The following AK5 variants were observed in gnomAD, a reference collection of about 807,000 sequenced individuals.
AK5 encodes the protein adenylate kinase isoenzyme 5.
Under a neutral mutation model 69.5 loss-of-function variants are expected in AK5, and 27 were observed. The observed-to-expected ratio is 0.39, with a 90% CI of 0.29 to 0.54. The LOEUF (loss-of-function observed/expected upper bound fraction) is 0.54. Among genes scored for constraint, AK5 ranks in the 20% least tolerant of loss-of-function variants. The pLI is 0.71. For synonymous variants in AK5, 260 were observed against 244.4 expected (o/e 1.06, Z -0.60); for missense variants, 531 against 700.4 (o/e 0.76, Z 2.73).
At chr1:77,328,983 A>G (rs1660950862) in intron 5 of AK5, among the ~76,000 whole-genome samples, 1 of 152,164 alleles carries the variant, frequency 6.6e-6, no homozygotes, top group Non-Finnish European at 1.5e-5. Flanking sequence ...AACACAAGAC[A>G]GCAAAGGGGG....
intron 6 of AK5, among the ~76,000 whole-genome samples, chr1:77,385,186 G>A (rs547320323): frequency 2.0e-5 from 3 of 152,234 alleles, no homozygotes; most frequent in African/African-American, 7.2e-5. Context: ...TGGAGACAGA[G>A]TCTCGCTCTG....
chr1:77,488,526 C>T (rs1655744781), intron 10 of AK5, among the ~76,000 whole-genome samples: 1 of 152,098 alleles, frequency 6.6e-6, no homozygotes, highest in Non-Finnish European at 1.5e-5. Flanking sequence ...TCTAGAGGGA[C>T]AGAACTAATA....
At chr1:77,505,302 A>G (rs750949594) in intron 10 of AK5, among the ~76,000 whole-genome samples, 4 of 152,244 alleles carry the variant, frequency 2.6e-5, no homozygotes, top group Non-Finnish European at 5.9e-5. Flanking sequence ...TTGGAACAGT[A>G]AGATACTTAT....
At chr1:77,494,026 A>C (rs145872598) in intron 10 of AK5, among the ~76,000 whole-genome samples, 240 of 152,358 alleles carry the variant, frequency 1.6e-3, no homozygotes, top group African/African-American at 5.5e-3. Context: ...TCAAAAAGAC[A>C]TAAAACAGTC....
chr1:77,558,477 TG>T (rs10700476), intron 13 of AK5, 124 bp from the exon 14 acceptor site: 20 of 515,524 alleles, frequency 3.9e-5, no homozygotes, highest in Admixed American at 1.8e-4. Context: ...CTCTGTGTTT[TG>T]GGGGGGGTCT....
intron 12 of AK5, among the ~76,000 whole-genome samples, chr1:77,525,773 G>A (rs1016753098): frequency 6.6e-6 from 1 of 152,142 alleles, no homozygotes; most frequent in African/African-American, 2.4e-5. Flanking sequence ...ATATGTGAGA[G>A]TTTATTTTTG....
intron 10 of AK5, among the ~76,000 whole-genome samples, chr1:77,498,948 AT>A (rs1656528652): frequency 1.3e-5 from 2 of 152,242 alleles, no homozygotes; most frequent in Non-Finnish European, 2.9e-5. Flanking sequence ...GCTGAGATCA[AT>A]CAGTTGAAAT....
rs892849544 is a variant in AK5, at chr1:77,318,558, A to G, written c.699+20611A>G. Among the ~76,000 whole-genome samples the G allele has an allele frequency of 3.9e-5, 6 of 152,274 alleles. No homozygotes were observed. The East Asian group carries it at 5.8e-4, about 15-fold the overall frequency. On this transcript the variant is annotated intron_variant, in intron 5 of 13. Transcript: ENST00000354567. ...GGAATTTCAAGTAAGATGTGTTCCC[A>G]GTATTAATGTCATTAGGTGCATGAG...
intron 8 of AK5, among the ~76,000 whole-genome samples, chr1:77,465,313 T>C (rs993894149): frequency 2.6e-5 from 4 of 152,136 alleles, no homozygotes; most frequent in South Asian, 4.1e-4. Flanking sequence ...CTGTAATTCA[T>C]TGAAGGCAAT....
chr1:77,553,362 G>A (rs1289656130), intron 13 of AK5, among the ~76,000 whole-genome samples: 1 of 152,140 alleles, frequency 6.6e-6, no homozygotes, highest in African/African-American at 2.4e-5. Context: ...GACAAGAACG[G>A]GCCCTAGAAC....
chr1:77,287,909 C>G (rs1464931927), intron 2 of AK5, among the ~76,000 whole-genome samples: 1 of 152,152 alleles, frequency 6.6e-6, no homozygotes, highest in East Asian at 1.9e-4. Flanking sequence ...GCGCATACTC[C>G]TAAGTTAGGT....
At chr1:77,368,263 T>TTATATATATA (rs1218910012) in intron 6 of AK5, among the ~76,000 whole-genome samples, 1 of 104,288 alleles carries the variant, frequency 9.6e-6, no homozygotes, top group African/African-American at 3.4e-5. Context: ...AATATATATG[T>TTATATATATA]TATATATATG....
intron 7 of AK5, among the ~76,000 whole-genome samples, chr1:77,415,245 C>T (rs10782648): frequency 0.23 from 34,261 of 152,076 alleles, 4,108 homozygotes; most frequent in East Asian, 0.38. Context: ...CAAGTATTAA[C>T]GTGTAATATC....
chr1:77,445,721 A>C (rs1445543567), intron 8 of AK5, among the ~76,000 whole-genome samples: 5 of 152,068 alleles, frequency 3.3e-5, no homozygotes, highest in Non-Finnish European at 5.9e-5. Flanking sequence ...AGTAGCTGGG[A>C]TTACAGGCAC....
chr1:77,387,933 T>C (rs1648139787), intron 6 of AK5, among the ~76,000 whole-genome samples: 1 of 150,510 alleles, frequency 6.6e-6, no homozygotes, highest in Non-Finnish European at 1.5e-5. Context: ...CAGAGCAATG[T>C]AAACCATTAT....
chr1:77,556,630 G>T (rs1406417287), intron 13 of AK5, among the ~76,000 whole-genome samples: 1 of 152,184 alleles, frequency 6.6e-6, no homozygotes, highest in African/African-American at 2.4e-5. Context: ...TGAACATGCA[G>T]CATTCTTTTT....
chr1:77,425,588 A>G (rs1651150411), intron 8 of AK5, among the ~76,000 whole-genome samples: 1 of 152,182 alleles, frequency 6.6e-6, no homozygotes, highest in Non-Finnish European at 1.5e-5. Flanking sequence ...CTCTGTCTCA[A>G]AAAAAAGAAA....
intron 8 of AK5, among the ~76,000 whole-genome samples, chr1:77,432,815 T>C (rs1651726603): frequency 6.6e-6 from 1 of 152,228 alleles, no homozygotes; most frequent in African/African-American, 2.4e-5. Context: ...CAGAAGCTGC[T>C]GATTGTGAAA....
intron 6 of AK5, among the ~76,000 whole-genome samples, chr1:77,370,213 C>T (rs1424608511): frequency 6.6e-6 from 1 of 152,178 alleles, no homozygotes; most frequent in African/African-American, 2.4e-5. Flanking sequence ...TCCCAAGCCA[C>T]GGGTACACAG....
Sources: gnomAD v4.1 joint callset for allele counts (sites outside exome capture counted in the v4.1 genomes callset) on GRCh38, gnomAD v4.1.1 for gene constraint, MANE v1.5 for transcripts, NCBI Gene and HGNC (gene_info 2026-07-23, HGNC 2026-07-21) for gene names.